CTTNBP2NL: variants seen among roughly 807,000 people sequenced by gnomAD.
The protein encoded by CTTNBP2NL is CTTNBP2 N-terminal like, also known as CTTNBP2 N-terminal-like protein.
A neutral mutation model predicts 32.5 loss-of-function variants in CTTNBP2NL; 16 were observed. That is an observed-to-expected ratio of 0.49 (90% confidence interval 0.33 to 0.75). CTTNBP2NL has a LOEUF of 0.75. Ranked by LOEUF, CTTNBP2NL falls within the 30% of genes least tolerant of loss-of-function variation. The pLI is 0.02. For synonymous variants in CTTNBP2NL, 298 were observed against 289.4 expected, an observed-to-expected ratio of 1.03 and a Z score of -0.30; for missense variants, 645 against 756.0, an observed-to-expected ratio of 0.85 and a Z score of 1.72.
intron 3 of CTTNBP2NL, among the ~76,000 whole-genome samples, chr1:112,425,956 CGTGTGTGTGTGTGTGTGTGT>C (rs376135147): frequency 1.9e-4 from 23 of 119,660 alleles, no homozygotes; most frequent in African/African-American, 3.9e-4. Flanking sequence ...ATCTGGATGC[CGTGTGTGTGTGTGTGTGTGT>C]GTGTGTGTGT....
Position 112,457,258 on chromosome 1 carries a change from T to G in CTTNBP2NL, c.1766T>G (p.Leu589Arg), listed in dbSNP as rs755887661. ...CCCATCCCACCCAAGAAACCTGGCC[T>G]CACCCCTTCTCCATCTGCTACCACT... The part of the protein sequence containing the change: ...PPPIPPKKPG[L>R]TPSPSATTPL... Residue 589 changes from leucine to arginine, a missense_variant, in exon 6 of 6, where the codon CTC becomes CGC. By Grantham distance (102) the Leu-to-Arg change is moderately radical. Coordinates refer to ENST00000271277, the MANE Select transcript of CTTNBP2NL (RefSeq NM_018704.3). 3.7e-6 allele frequency: 6 copies of G among 1,614,040 alleles called. No individual in the cohort carries two copies. The highest frequency in any genetic ancestry group is 5.1e-6 in the Non-Finnish European group (6 of 1,180,046).
intron 3 of CTTNBP2NL, among the ~76,000 whole-genome samples, chr1:112,425,480 A>C (rs1235385586): frequency 6.6e-6 from 1 of 152,192 alleles, no homozygotes; most frequent in Non-Finnish European, 1.5e-5. Flanking sequence ...CCATCAAAAA[A>C]AGAAATAAAA....
intron 3 of CTTNBP2NL, among the ~76,000 whole-genome samples, chr1:112,421,575 A>G (rs935236023): frequency 6.6e-6 from 1 of 150,686 alleles, no homozygotes; most frequent in Non-Finnish European, 1.5e-5. Context: ...TGCTGGGATT[A>G]CAGGCATGAG....
intron 3 of CTTNBP2NL, among the ~76,000 whole-genome samples, chr1:112,418,683 G>T (rs554953617): frequency 8.3e-4 from 127 of 152,160 alleles, no homozygotes; most frequent in African/African-American, 2.8e-3. Flanking sequence ...CTCATGAACT[G>T]TCTGGGGGAA....
chr1:112,454,559 A>G lies in CTTNBP2NL; in HGVS notation c.438+3A>G, dbSNP rs1557898812. On this transcript the variant is annotated splice_donor_region_variant and intron_variant, in intron 5 of 5. Coordinates refer to ENST00000271277, the MANE Select transcript of CTTNBP2NL (RefSeq NM_018704.3). ...AAAGAGAGAGGCTGACTCAACAGGT[A>G]ATTAAGGTAGAGGGATTCACAGTAG... 1.3e-6 allele frequency: 2 copies of G among 1,593,318 alleles called. No homozygotes were observed. Among genetic ancestry groups the G allele is most frequent in the Non-Finnish European group, 1.7e-6 (2 of 1,161,198 alleles).
At chr1:112,438,325 T>A (rs1649799170) in intron 3 of CTTNBP2NL, among the ~76,000 whole-genome samples, 1 of 152,186 alleles carries the variant, frequency 6.6e-6, no homozygotes, top group Non-Finnish European at 1.5e-5. Context: ...GGGATTGCGT[T>A]CCTGATTTGG....
chr1:112,457,262 C>A lies in CTTNBP2NL; in HGVS notation c.1770C>A (p.Thr590=). The change falls in exon 6 of 6, where the codon ACC becomes ACA. Residue 590 remains threonine, a synonymous_variant. Transcript: ENST00000271277. ...PPIPPKKPGL[T]PSPSATTPLT... ...TCCCACCCAAGAAACCTGGCCTCAC[C>A]CCTTCTCCATCTGCTACCACTCCAT... 6.2e-7 allele frequency: 1 copy of A among 1,614,128 alleles called. No homozygotes were observed. The highest frequency in any genetic ancestry group is 8.5e-7 in the Non-Finnish European group (1 of 1,180,032).
upstream of CTTNBP2NL, among the ~76,000 whole-genome samples, chr1:112,392,145 T>C (rs914061651): frequency 5.9e-5 from 9 of 152,210 alleles, no homozygotes; most frequent in South Asian, 1.4e-3. Context: ...GATGGAGAGA[T>C]GATAGAGCAT....
At chr1:112,416,001 T>C (rs1243095779) in intron 2 of CTTNBP2NL, 156 bp from the exon 3 acceptor site, 5 of 553,582 alleles carry the variant, frequency 9.0e-6, no homozygotes, top group African/African-American at 6.0e-5. Flanking sequence ...TAGTTTGTGA[T>C]TAACACCAGA....
chr1:112,446,925 C>T (rs2101028418), intron 3 of CTTNBP2NL, among the ~76,000 whole-genome samples: 1 of 152,210 alleles, frequency 6.6e-6, no homozygotes, highest in South Asian at 2.1e-4. Flanking sequence ...CCTAAATGGA[C>T]TGGAGGTTAT....
the CTTNBP2NL span, among the ~76,000 whole-genome samples, chr1:112,391,182 A>G: frequency 1.2e-4 from 18 of 152,202 alleles, no homozygotes; most frequent in Non-Finnish European, 2.2e-4. Context: ...GGGGCAGTGG[A>G]GGGCACACCT....
chr1:112,443,305 C>G (rs4240533), intron 3 of CTTNBP2NL, among the ~76,000 whole-genome samples: 83,921 of 152,034 alleles, frequency 0.55, 24,292 homozygotes, highest in South Asian at 0.71. Context: ...CCTTTCCCTC[C>G]CAGGTTCAAG....
In CTTNBP2NL at chr1:112,416,145, C is replaced by A; in HGVS notation, c.-9-12C>A. 7.4e-7 allele frequency: 1 copy of A among 1,346,322 alleles called. No individual in the cohort carries two copies. Among genetic ancestry groups the A allele is most frequent in the Non-Finnish European group, 1.1e-6 (1 of 946,422 alleles). 83.4% of individuals were successfully genotyped at this position (1,346,322 alleles called of 1,614,324 possible). A position where few individuals can be genotyped will look rare whatever the true frequency, so the allele number is the denominator to read the frequency against. On this transcript the variant is annotated splice_polypyrimidine_tract_variant and intron_variant, in intron 2 of 5. Transcript: ENST00000271277. ...GTCTTTGGAGATTGTCTGATTGTTA[C>A]CTTTGTTTCAGGCTTTCAAGATGAA...
At position 112,419,227 on chromosome 1, in the gene CTTNBP2NL, T is replaced by C. The variant is rs116603487; in HGVS notation, c.99+2963T>C. Among the ~76,000 whole-genome samples the C allele has an allele frequency of 5.4e-3, 822 of 152,278 alleles. 4 individuals are homozygous for C. Among genetic ancestry groups the C allele is most frequent in the Non-Finnish European group, 9.0e-3 (610 of 68,020 alleles). ...TTTACAGGCAAAAATGTTGTAGACA[T>C]GACAAAGTTAGAAGTATATTTAGAG... On this transcript the variant is annotated intron_variant, in intron 3 of 5. Transcript: ENST00000271277.
At chr1:112,448,223 G>T (rs1309483203) in intron 3 of CTTNBP2NL, among the ~76,000 whole-genome samples, 1 of 152,198 alleles carries the variant, frequency 6.6e-6, no homozygotes, top group Non-Finnish European at 1.5e-5. Flanking sequence ...GACAAGAAGA[G>T]GGGGTGGAAT....
Position 112,449,053 on chromosome 1 carries a change from G to A in CTTNBP2NL, c.211G>A (p.Glu71Lys), listed in dbSNP as rs114952856. 836 of 1,612,020 alleles carry A rather than the reference G, an allele frequency of 5.2e-4. 3 individuals carry two copies. In the African/African-American group the frequency reaches 0.01, roughly 20 times the overall value. The change falls in exon 4 of 6, where the codon GAA becomes AAA. Residue 71 changes from glutamate to lysine, a missense_variant. Glu to Lys is a moderately conservative substitution (Grantham distance 56, BLOSUM62 1). Transcript: ENST00000271277. ...AACACTGAAGGAGAAAAATGATGGC[G>A]AAAAGCAGCCAGTCTGCACAAATCC... is the stretch of plus-strand genomic sequence containing the variant. ...FETLKEKNDG[E>K]KQPVCTNPLS...
rs1650455341 is a variant in CTTNBP2NL, at chr1:112,458,714, G to A, written c.*1302G>A. ...TGGCCAGGCACAGTGGCTCATGCCT[G>A]TAATCTTATCACTTTGGGAGGCTGA... On this transcript the variant is annotated 3_prime_UTR_variant, in exon 6 of 6. Coordinates refer to ENST00000271277, the MANE Select transcript of CTTNBP2NL (RefSeq NM_018704.3). 6.6e-6 allele frequency: 1 copy of A among 152,196 alleles called. No individual in the cohort carries two copies. The highest frequency in any genetic ancestry group is 2.1e-4 in the South Asian group (1 of 4,832). 9.4% of individuals were successfully genotyped at this position (152,196 alleles called of 1,614,324 possible). A position where few individuals can be genotyped will look rare whatever the true frequency, so the allele number is the denominator to read the frequency against.
chr1:112,457,539 T>A lies in CTTNBP2NL; in HGVS notation c.*127T>A. ...GAAACCATCTGTATAATACATTTAG[T>A]ATATTTCACCATTTTGTATTTTTTT... On this transcript the variant is annotated 3_prime_UTR_variant, in exon 6 of 6. Coordinates refer to ENST00000271277, the MANE Select transcript of CTTNBP2NL (RefSeq NM_018704.3). 1 of 813,996 alleles carries A rather than the reference T, an allele frequency of 1.2e-6. No homozygotes were observed. 50.4% of individuals were successfully genotyped at this position (813,996 alleles called of 1,614,324 possible).
intron 3 of CTTNBP2NL, among the ~76,000 whole-genome samples, chr1:112,434,126 C>T (rs556983683): frequency 1.7e-3 from 261 of 152,304 alleles, no homozygotes; most frequent in Non-Finnish European, 2.9e-3. Context: ...GTTCTTAGCC[C>T]TGTCACATCG....
Sources: allele counts gnomAD v4.1 joint callset (sites outside exome capture counted in the v4.1 genomes callset), GRCh38; gene constraint gnomAD v4.1.1; transcripts MANE v1.5; gene names NCBI Gene and HGNC (gene_info 2026-07-23, HGNC 2026-07-21).